AUTS2: variants seen among roughly 807,000 people sequenced by gnomAD.
The protein encoded by AUTS2 is activator of transcription and developmental regulator AUTS2.
Under a neutral mutation model 112.4 loss-of-function variants are expected in AUTS2, and 17 were observed. The observed-to-expected ratio is 0.15, with a 90% CI of 0.10 to 0.23. AUTS2 has a LOEUF of 0.23. AUTS2 is among the 10% of genes least tolerant of loss of function. AUTS2 has a pLI of 1.00. For missense variants in AUTS2, 1,510 were observed against 1,701.6 expected (o/e 0.89, Z 1.98); for synonymous variants, 751 against 702.7 (o/e 1.07, Z -1.09).
chr7:69,644,327 CT>C lies in AUTS2; in HGVS notation c.309+44376del, dbSNP rs1367222695. ...TAACTATTTGTAGAGGACCCCTAGA[CT>C]TTTTTTTTTTCTTCCAGGACAAAAG... On this transcript the variant is annotated intron_variant, in intron 1 of 18. Transcript: ENST00000342771. Among the ~76,000 whole-genome samples the C allele has an allele frequency of 2.4e-3, 357 of 147,210 alleles. 4 individuals carry two copies. The highest frequency in any genetic ancestry group is 0.017 in the East Asian group (84 of 5,070).
intron 5 of AUTS2, among the ~76,000 whole-genome samples, chr7:70,448,332 G>T (rs1796400237): frequency 1.3e-5 from 2 of 152,146 alleles, no homozygotes; most frequent in African/African-American, 2.4e-5. Flanking sequence ...AAAGTGAGTT[G>T]TACCTTCAGG....
intron 4 of AUTS2, among the ~76,000 whole-genome samples, chr7:70,420,726 T>G (rs1340377603): frequency 6.6e-6 from 1 of 152,152 alleles, no homozygotes; most frequent in Non-Finnish European, 1.5e-5. Context: ...ATGTAAAATT[T>G]TTAAAAATAC....
At chr7:70,518,192 C>G (rs913695721) in intron 5 of AUTS2, among the ~76,000 whole-genome samples, 1 of 152,188 alleles carries the variant, frequency 6.6e-6, no homozygotes, top group African/African-American at 2.4e-5. Flanking sequence ...TCCAAATGTA[C>G]TTCTAAAATT....
At chr7:69,993,027 A>G (rs1307148571) in intron 2 of AUTS2, among the ~76,000 whole-genome samples, 1 of 152,194 alleles carries the variant, frequency 6.6e-6, no homozygotes, top group African/African-American at 2.4e-5. Flanking sequence ...CAGAGAGCTT[A>G]GGGGTAAAAG....
intron 5 of AUTS2, among the ~76,000 whole-genome samples, chr7:70,621,939 T>C (rs1302548905): frequency 1.5e-5 from 2 of 137,820 alleles, no homozygotes; most frequent in South Asian, 2.4e-4. Flanking sequence ...TTCCACCTCC[T>C]GGGTTTAAGC....
chr7:69,638,439 A>G lies in AUTS2; in HGVS notation c.309+38477A>G, dbSNP rs375317815. 5.0e-4 allele frequency among the ~76,000 whole-genome samples: 76 copies of G among 152,350 alleles called. No homozygotes were observed. The East Asian group carries it at 7.7e-3, about 15-fold the overall frequency. ...GTATCAATGTATTTCTGAGATTCTC[A>G]TAGTACTAGAATTGTATGTTTTTCC... On this transcript the variant is annotated intron_variant, in intron 1 of 18. Transcript: ENST00000342771.
chr7:70,125,287 T>G (rs373165249), intron 3 of AUTS2, among the ~76,000 whole-genome samples: 291 of 141,170 alleles, frequency 2.1e-3, no homozygotes, highest in South Asian at 7.5e-3. Flanking sequence ...GTGTGTGTGT[T>G]TTTAATGTTT....
At chr7:70,727,111 T>C (rs377528794) in intron 6 of AUTS2, among the ~76,000 whole-genome samples, 1 of 152,198 alleles carries the variant, frequency 6.6e-6, no homozygotes, top group Non-Finnish European at 1.5e-5. Flanking sequence ...TCAGAACCTC[T>C]GCAGTGTCTA....
chr7:69,955,905 C>A (rs1797192608), intron 2 of AUTS2, among the ~76,000 whole-genome samples: 1 of 152,156 alleles, frequency 6.6e-6, no homozygotes, highest in African/African-American at 2.4e-5. Flanking sequence ...CTACTATTAT[C>A]ATTTGACAAT....
At position 70,729,557 on chromosome 7, in the gene AUTS2, A is replaced by C. The variant is rs186616257; in HGVS notation, c.742+30937A>C. ...GGTGAGATCCTTCAGGGTAGGACCC[A>C]GGTCTTACTCTTCAGTAAACTCCTA... is the stretch of plus-strand genomic sequence containing the variant. On this transcript the variant is annotated intron_variant, in intron 6 of 18. Transcript: ENST00000342771. 1.3e-5 allele frequency among the ~76,000 whole-genome samples: 2 copies of C among 152,330 alleles called. 1 individual carries two copies. The highest frequency in any genetic ancestry group is 4.1e-4 in the South Asian group (2 of 4,832).
At chr7:70,605,729 A>G (rs1383388795) in intron 5 of AUTS2, among the ~76,000 whole-genome samples, 1 of 152,142 alleles carries the variant, frequency 6.6e-6, no homozygotes, top group Admixed American at 6.5e-5. Context: ...GAATTTCTCA[A>G]TTAAACATTG....
intron 3 of AUTS2, among the ~76,000 whole-genome samples, chr7:70,132,933 C>T (rs540995140): frequency 8.5e-5 from 13 of 152,306 alleles, no homozygotes; most frequent in African/African-American, 2.9e-4. Flanking sequence ...GGAGACCTAA[C>T]TTGGCTTTTG....
intron 2 of AUTS2, among the ~76,000 whole-genome samples, chr7:69,928,918 A>G (rs1662476035): frequency 6.6e-6 from 1 of 152,140 alleles, no homozygotes; most frequent in Non-Finnish European, 1.5e-5. Flanking sequence ...GCAGTGGCCA[A>G]TCCAGACGGG....
At chr7:70,680,847 C>A (rs1173437604) in intron 5 of AUTS2, among the ~76,000 whole-genome samples, 1 of 152,200 alleles carries the variant, frequency 6.6e-6, no homozygotes, top group African/African-American at 2.4e-5. Context: ...CATTCTTTCC[C>A]AGCAGCACAA....
chr7:69,806,734 C>CA (rs1397536763), intron 1 of AUTS2, among the ~76,000 whole-genome samples: 1 of 152,192 alleles, frequency 6.6e-6, no homozygotes, highest in Non-Finnish European at 1.5e-5. Context: ...ACACAGCTAG[C>CA]AAATGGGATT....
chr7:69,732,968 T>TA (rs1786864978), intron 1 of AUTS2, among the ~76,000 whole-genome samples: 1 of 152,128 alleles, frequency 6.6e-6, no homozygotes, highest in Non-Finnish European at 1.5e-5. Context: ...GAACATAGAT[T>TA]GGTGTTTAAT....
At chr7:69,820,757 T>A (rs1056151001) in intron 1 of AUTS2, among the ~76,000 whole-genome samples, 6 of 152,156 alleles carry the variant, frequency 3.9e-5, no homozygotes, top group African/African-American at 1.4e-4. Context: ...TAGAGTAGCA[T>A]GAATGAGCTC....
chr7:70,784,830 A>G, intron 15 of AUTS2, 112 bp from the exon 16 acceptor site: 1 of 857,820 alleles, frequency 1.2e-6, no homozygotes, highest in Non-Finnish European at 1.9e-6. Context: ...GACTTCAGCC[A>G]TGACCTCCCT....
At chr7:69,671,090 G>A (rs1796300174) in intron 1 of AUTS2, among the ~76,000 whole-genome samples, 3 of 152,174 alleles carry the variant, frequency 2.0e-5, no homozygotes, top group Non-Finnish European at 4.4e-5. Context: ...AAAAAGAAAT[G>A]TTTAGTGGAC....
Sources: gnomAD v4.1 joint callset for allele counts (sites outside exome capture counted in the v4.1 genomes callset) on GRCh38, gnomAD v4.1.1 for gene constraint, MANE v1.5 for transcripts, NCBI Gene and HGNC (gene_info 2026-07-23, HGNC 2026-07-21) for gene names.